The following PLEKHH2 variants were observed in gnomAD, a reference collection of about 807,000 sequenced individuals.
The protein encoded by PLEKHH2 is pleckstrin homology domain-containing family H member 2.
A neutral mutation model predicts 187.9 loss-of-function variants in PLEKHH2; 129 were observed. That is an observed-to-expected ratio of 0.69 (90% CI 0.59 to 0.79). The LOEUF (loss-of-function observed/expected upper bound fraction) is 0.79. Among genes scored for constraint, PLEKHH2 ranks in the 30% least tolerant of loss-of-function variants. The pLI, the probability that PLEKHH2 is intolerant of heterozygous loss-of-function variation, is 0.00. For missense variants in PLEKHH2, 2,076 were observed against 1,751.2 expected, an observed-to-expected ratio of 1.19 and a Z score of -3.31; for synonymous variants, 686 against 605.6, an observed-to-expected ratio of 1.13 and a Z score of -1.95.
At chr2:43,736,483 C>T (rs1671300105) in intron 19 of PLEKHH2, among the ~76,000 whole-genome samples, 1 of 152,120 alleles carries the variant, frequency 6.6e-6, no homozygotes, top group African/African-American at 2.4e-5. Flanking sequence ...TAGAGCCTGG[C>T]AGTCTTCCTG....
intron 16 of PLEKHH2, among the ~76,000 whole-genome samples, chr2:43,722,150 G>A (rs567603532): frequency 8.4e-4 from 128 of 151,552 alleles, no homozygotes; most frequent in African/African-American, 2.8e-3. Flanking sequence ...TGGCTACTTG[G>A]GAGGCTAAGG....
At chr2:43,679,508 T>C in intron 3 of PLEKHH2, 1 of 368,882 alleles carries the variant, frequency 2.7e-6, no homozygotes, top group South Asian at 2.0e-5. Context: ...TTTTTTTTTT[T>C]TTTTTGAGAC....
chr2:43,647,485 C>A (rs1359801683), intron 2 of PLEKHH2, among the ~76,000 whole-genome samples: 1 of 152,138 alleles, frequency 6.6e-6, no homozygotes, highest in African/African-American at 2.4e-5. Flanking sequence ...TATATCTATC[C>A]ACTCATCCAT....
chr2:43,746,874 G>A (rs961837252), intron 24 of PLEKHH2, among the ~76,000 whole-genome samples: 4 of 151,876 alleles, frequency 2.6e-5, no homozygotes, highest in African/African-American at 9.7e-5. Context: ...GGAGGCTGAG[G>A]CAGGCGAATG....
At chr2:43,647,448 A>G (rs1392513198) in intron 2 of PLEKHH2, among the ~76,000 whole-genome samples, 1 of 152,160 alleles carries the variant, frequency 6.6e-6, no homozygotes, top group African/African-American at 2.4e-5. Flanking sequence ...TGGCCTTTCT[A>G]ATTTTCACCT....
intron 17 of PLEKHH2, among the ~76,000 whole-genome samples, chr2:43,729,343 A>G (rs1258123468): frequency 6.6e-6 from 1 of 152,202 alleles, no homozygotes; most frequent in East Asian, 1.9e-4. Context: ...TTGTAAAAGA[A>G]TATCAGCTGG....
chr2:43,670,351 T>C (rs773398408), intron 2 of PLEKHH2, among the ~76,000 whole-genome samples: 26 of 152,196 alleles, frequency 1.7e-4, no homozygotes, highest in Non-Finnish European at 3.2e-4. Flanking sequence ...TCAGAAAATA[T>C]TGTTCCCAGC....
intron 2 of PLEKHH2, among the ~76,000 whole-genome samples, chr2:43,666,336 G>A (rs1252791648): frequency 2.6e-5 from 4 of 151,010 alleles, no homozygotes; most frequent in African/African-American, 5.0e-5. Context: ...TTCGGCTCGC[G>A]CACGGTGCGC....
At chr2:43,751,422 G>A (rs1672005497) in intron 24 of PLEKHH2, among the ~76,000 whole-genome samples, 1 of 152,192 alleles carries the variant, frequency 6.6e-6, no homozygotes, top group African/African-American at 2.4e-5. Flanking sequence ...ACAAGAGGAT[G>A]GGAAGGGCAA....
intron 2 of PLEKHH2, among the ~76,000 whole-genome samples, chr2:43,652,382 C>A (rs910679550): frequency 9.2e-5 from 14 of 152,182 alleles, no homozygotes; most frequent in Non-Finnish European, 1.9e-4. Context: ...GCCTTATTCT[C>A]CAAGCCTTAT....
chr2:43,656,203 C>T (rs1327355918), intron 2 of PLEKHH2, among the ~76,000 whole-genome samples: 1 of 152,148 alleles, frequency 6.6e-6, no homozygotes, highest in African/African-American at 2.4e-5. Flanking sequence ...GTGATCTGCC[C>T]GCCTCTGTCT....
chr2:43,698,082 C>T (rs563211621), intron 7 of PLEKHH2, among the ~76,000 whole-genome samples: 1 of 152,328 alleles, frequency 6.6e-6, no homozygotes, highest in Non-Finnish European at 1.5e-5. Context: ...TTTTCATCCT[C>T]TCTACTTTCA....
At chr2:43,680,725 G>T (rs572776351) in intron 3 of PLEKHH2, 3 of 411,410 alleles carry the variant, frequency 7.3e-6, no homozygotes, top group South Asian at 4.2e-5. Context: ...TTTATCACTT[G>T]TAAATCTTTC....
intron 11 of PLEKHH2, among the ~76,000 whole-genome samples, chr2:43,708,816 G>A (rs1669800296): frequency 6.6e-6 from 1 of 151,986 alleles, no homozygotes; most frequent in Non-Finnish European, 1.5e-5. Context: ...AGTCTCCTTG[G>A]GCCTTAGCCA....
At chr2:43,693,400 G>T (rs1668918505) in intron 4 of PLEKHH2, among the ~76,000 whole-genome samples, 1 of 152,080 alleles carries the variant, frequency 6.6e-6, no homozygotes, top group African/African-American at 2.4e-5. Context: ...TTAGAAATGT[G>T]TACACCATTT....
At chr2:43,732,901 G>A (rs557607816) in intron 19 of PLEKHH2, among the ~76,000 whole-genome samples, 40 of 152,284 alleles carry the variant, frequency 2.6e-4, no homozygotes, top group African/African-American at 9.4e-4. Flanking sequence ...GTAGTCTGAC[G>A]CCAATAAAAA....
chr2:43,677,740 G>A (rs1444733933), intron 2 of PLEKHH2, among the ~76,000 whole-genome samples: 2 of 151,570 alleles, frequency 1.3e-5, no homozygotes, highest in East Asian at 1.9e-4. Flanking sequence ...GGTGGTGGCC[G>A]GGCAGAGGGG....
At position 43,743,913 on chromosome 2, in the gene PLEKHH2, C is replaced by A. The variant is rs374082333; in HGVS notation, c.3479C>A (p.Ala1160Glu). Residue 1160 changes from alanine (A) to glutamate (E), a missense_variant, in exon 23 of 30, where the codon GCG (alanine) becomes GAG (glutamate). Physicochemically the swap from Ala to Glu is moderately radical, Grantham distance 107 (BLOSUM62 -1). Coordinates refer to ENST00000282406, the MANE Select transcript of PLEKHH2 (RefSeq NM_172069.4). ...LNQDTGMRKPAQSGFALFTDD... is the reference protein window; with the variant it reads ...LNQDTGMRKPEQSGFALFTDD... ...CAGGACACAGGAATGAGGAAACCAG[C>A]GCAGTCTGGATTTGCGTTGTTCACT... is the stretch of plus-strand genomic sequence containing the variant. The A allele has an allele frequency of 6.2e-6, 10 of 1,613,862 alleles. No individual in the cohort carries two copies. In the South Asian group the frequency reaches 6.6e-5, roughly 11 times the overall value.
rs746242308 is a variant in PLEKHH2, at chr2:43,710,330, G to A, written c.2214G>A (p.Pro738=). The A allele has an allele frequency of 1.1e-5, 17 of 1,612,446 alleles. No individual in the cohort carries two copies. Among genetic ancestry groups the A allele is most frequent in the East Asian group, 2.2e-5 (1 of 44,868 alleles). Reference sequence around the variant, plus strand: ...GTGAATTACTTTACTACAAATCTCCGGTGAGTGGAAAGTGTTTTCTGTTTA... The same window carrying A: ...GTGAATTACTTTACTACAAATCTCCAGTGAGTGGAAAGTGTTTTCTGTTTA... ...KGGELLYYKS[P]SDVIRKPQGH... Residue 738 remains proline (P), a splice_region_variant and synonymous_variant, in exon 13 of 30, where the codon CCG becomes CCA. Coordinates refer to ENST00000282406, the MANE Select transcript of PLEKHH2 (RefSeq NM_172069.4).
Sources: allele counts gnomAD v4.1 joint callset (sites outside exome capture counted in the v4.1 genomes callset), GRCh38; gene constraint gnomAD v4.1.1; transcripts MANE v1.5; gene names NCBI Gene and HGNC (gene_info 2026-07-23, HGNC 2026-07-21).